Variants in ITPK1 observed in about 807,000 individuals in gnomAD.
ITPK1 encodes the protein inositol-tetrakisphosphate 1-kinase, also known as inositol 1,3,4-trisphosphate 5/6-kinase.
A neutral mutation model predicts 45.3 loss-of-function variants in ITPK1; 21 were observed. The ratio of observed to expected loss-of-function variants is 0.46; its 90% CI spans 0.33 to 0.67. The LOEUF is 0.67. Among genes scored for constraint, ITPK1 ranks in the 30% least tolerant of loss-of-function variants. The pLI, the probability that ITPK1 is intolerant of heterozygous loss-of-function variation, is 0.02. For missense variants in ITPK1, 474 were observed against 573.5 expected (o/e 0.83, Z 1.77); for synonymous variants, 258 against 253.6 (o/e 1.02, Z -0.16).
At chr14:93,026,539 G>C (rs918285512) in intron 3 of ITPK1, among the ~76,000 whole-genome samples, 1 of 152,196 alleles carries the variant, frequency 6.6e-6, no homozygotes, top group African/African-American at 2.4e-5. Context: ...AGATTCAACC[G>C]TCTCGACGGC....
intron 5 of ITPK1, among the ~76,000 whole-genome samples, chr14:92,983,373 C>A (rs1403009329): frequency 6.6e-6 from 1 of 152,158 alleles, no homozygotes; most frequent in African/African-American, 2.4e-5. Context: ...CTGGTAGTAC[C>A]TATTCTAAAA....
intron 8 of ITPK1, among the ~76,000 whole-genome samples, chr14:92,956,952 G>C (rs1884767712): frequency 6.6e-6 from 1 of 152,174 alleles, no homozygotes; most frequent in Non-Finnish European, 1.5e-5. Flanking sequence ...TTGAGTCTGG[G>C]AGCCACACGC....
intron 8 of ITPK1, 48 bp from the exon 9 acceptor site, chr14:92,952,061 A>G (rs1343154107): frequency 1.4e-6 from 2 of 1,447,628 alleles, no homozygotes; most frequent in Non-Finnish European, 1.9e-6. Context: ...CAATGCAGGG[A>G]CCACACTGCC....
intron 4 of ITPK1, among the ~76,000 whole-genome samples, chr14:92,994,328 C>T (rs984897290): frequency 5.3e-5 from 8 of 152,206 alleles, no homozygotes; most frequent in Non-Finnish European, 1.0e-4. Context: ...GTGGCGGCCC[C>T]ATGCCCCGCA....
chr14:93,051,531 G>C (rs543113023), intron 3 of ITPK1, among the ~76,000 whole-genome samples: 1 of 145,234 alleles, frequency 6.9e-6, no homozygotes, highest in Admixed American at 7.1e-5. Flanking sequence ...CAGGGGAATC[G>C]CTTGAGCCTG....
rs183706196 is a variant in ITPK1, at chr14:93,012,331, A to G, written c.246+4345T>C. 2.5e-4 allele frequency among the ~76,000 whole-genome samples: 38 copies of G among 152,328 alleles called. No individual in the cohort carries two copies. The highest frequency in any genetic ancestry group is 9.1e-4 in the African/African-American group (38 of 41,564). ...GCCTGGGACGAGAGATGTGTCATTA[A>G]TCAGCTCACGAGGGAGGACATTTCT... On this transcript the variant is annotated intron_variant, in intron 4 of 10. Transcript: ENST00000267615. This position sits in a 1 kb window ranked among gnomAD's most constrained non-coding sequence, Gnocchi z 4.9.
intron 10 of ITPK1, among the ~76,000 whole-genome samples, chr14:92,943,860 T>C (rs1189381248): frequency 6.6e-6 from 1 of 152,190 alleles, no homozygotes; most frequent in East Asian, 1.9e-4. Flanking sequence ...TTAGGTGGCT[T>C]GTGCCATCAC....
chr14:92,986,114 A>T (rs1886474276), intron 5 of ITPK1, among the ~76,000 whole-genome samples: 1 of 152,212 alleles, frequency 6.6e-6, no homozygotes, highest in African/African-American at 2.4e-5. Context: ...TGGGTCAGCC[A>T]TGCAACCACT....
At chr14:92,974,226 G>A (rs1005021432) in intron 5 of ITPK1, among the ~76,000 whole-genome samples, 8 of 152,200 alleles carry the variant, frequency 5.3e-5, no homozygotes, top group African/African-American at 1.9e-4. Flanking sequence ...GATTTGTAGG[G>A]GATTTGGGCG....
intron 7 of ITPK1, among the ~76,000 whole-genome samples, chr14:92,959,064 C>G (rs774737001): frequency 1.1e-4 from 17 of 152,208 alleles, no homozygotes; most frequent in African/African-American, 4.1e-4. Flanking sequence ...AAACAACAGG[C>G]CTTTGTGCTC....
rs1470078187 is a variant in ITPK1, at chr14:93,012,660, G to A, written c.246+4016C>T. On this transcript the variant is annotated intron_variant, in intron 4 of 10. Coordinates refer to ENST00000267615, the MANE Select transcript of ITPK1 (RefSeq NM_014216.6). The surrounding 1 kb of genome is among the most constrained non-coding windows in gnomAD (Gnocchi z 4.9). ...CCTCCTGGCCAGGAGCTCGCGGGCA[G>A]GGCACCCAGCAGTGCTGCCGCAGAG... is the stretch of plus-strand genomic sequence containing the variant. Among the ~76,000 whole-genome samples, 1 of 152,174 alleles carries A rather than the reference G, an allele frequency of 6.6e-6. No homozygotes were observed. Among genetic ancestry groups the A allele is most frequent in the East Asian group, 1.9e-4 (1 of 5,180 alleles).
chr14:93,080,802 T>A (rs1246088859), intron 2 of ITPK1, among the ~76,000 whole-genome samples: 8 of 152,050 alleles, frequency 5.3e-5, no homozygotes, highest in Admixed American at 5.2e-4. Flanking sequence ...AGTGGCATGA[T>A]CTCAGCTCAC....
At position 92,974,227 on chromosome 14, in the gene ITPK1, G is replaced by T. The variant is rs140660538; in HGVS notation, c.365-11378C>A. Among the ~76,000 whole-genome samples, 559 of 152,330 alleles carry T rather than the reference G, an allele frequency of 3.7e-3. 2 individuals carry two copies. Among genetic ancestry groups the T allele is most frequent in the African/African-American group, 0.013 (539 of 41,578 alleles). ...ACTGAGCAGGGCTGGATTTGTAGGG[G>T]ATTTGGGCGCTTCCGAAAGGATGGA... On this transcript the variant is annotated intron_variant, in intron 5 of 10. Coordinates refer to ENST00000267615, the MANE Select transcript of ITPK1 (RefSeq NM_014216.6).
At chr14:92,976,091 T>G (rs1036002638) in intron 5 of ITPK1, among the ~76,000 whole-genome samples, 2 of 152,226 alleles carry the variant, frequency 1.3e-5, no homozygotes, top group Non-Finnish European at 2.9e-5. Flanking sequence ...GTGAGTCAAT[T>G]AAACCTCTTT....
rs761445128 is a variant in ITPK1, at chr14:92,958,378, A to T, written c.505-12T>A. On this transcript the variant is annotated splice_polypyrimidine_tract_variant and intron_variant, in intron 7 of 10. Coordinates refer to ENST00000267615, the MANE Select transcript of ITPK1 (RefSeq NM_014216.6). This position sits in a 1 kb window ranked among gnomAD's most constrained non-coding sequence, Gnocchi z 4.4. Reference sequence around the variant, plus strand: ...AACACGATAGCCATCTGGGAAGACAAGGGGTCAAAAGCTCTGTCAGAATCC... The same window carrying T: ...AACACGATAGCCATCTGGGAAGACATGGGGTCAAAAGCTCTGTCAGAATCC... 1.3e-4 allele frequency: 211 copies of T among 1,613,742 alleles called. No individual in the cohort carries two copies. Among genetic ancestry groups the T allele is most frequent in the East Asian group, 6.9e-4 (31 of 44,864 alleles).
At chr14:93,022,900 G>A (rs1888543093) in intron 3 of ITPK1, among the ~76,000 whole-genome samples, 1 of 152,206 alleles carries the variant, frequency 6.6e-6, no homozygotes, top group Non-Finnish European at 1.5e-5. Context: ...ACAATGAAGA[G>A]GTCTTGATAG....
intron 3 of ITPK1, chr14:93,067,986 AG>A (rs1890829419): frequency 7.0e-6 from 1 of 143,572 alleles, no homozygotes; most frequent in Non-Finnish European, 1.5e-5. Context: ...GAAACCCAAA[AG>A]TGATACAGAG....
intron 5 of ITPK1, among the ~76,000 whole-genome samples, chr14:92,973,346 G>A (rs928617988): frequency 6.6e-6 from 1 of 152,232 alleles, no homozygotes; most frequent in African/African-American, 2.4e-5. Flanking sequence ...AAAAGGAGGA[G>A]GGAAGCCCAG....
intron 5 of ITPK1, among the ~76,000 whole-genome samples, chr14:92,967,301 T>C (rs180733965): frequency 6.6e-6 from 1 of 152,210 alleles, no homozygotes; most frequent in East Asian, 1.9e-4. Flanking sequence ...AAACAAGACA[T>C]ATAAATGGCC....
Sources: gnomAD v4.1 joint callset for allele counts (sites outside exome capture counted in the v4.1 genomes callset) on GRCh38, gnomAD v4.1.1 for gene constraint, Gnocchi (gnomAD v3.1) non-coding constraint, MANE v1.5 for transcripts, NCBI Gene and HGNC (gene_info 2026-07-23, HGNC 2026-07-21) for gene names.